Variants in PRR16 observed in about 807,000 individuals in gnomAD.
The protein encoded by PRR16 is protein Largen.
In PRR16, 6 loss-of-function variants were observed where a neutral mutation model predicts 18.2. The observed-to-expected ratio is 0.33, with a 90% CI of 0.18 to 0.65. The LOEUF (loss-of-function observed/expected upper bound fraction) is 0.65. Among genes scored for constraint, PRR16 ranks in the 30% least tolerant of loss-of-function variants. The probability of loss-of-function intolerance (pLI) is 0.74; values close to 1 mark genes in which losing one functional copy is unlikely to be tolerated. For missense variants in PRR16, 412 were observed against 376.6 expected (o/e 1.09, Z -0.78); for synonymous variants, 151 against 147.8 (o/e 1.02, Z -0.16).
At chr5:120,510,886 C>T (rs1056362552) in intron 1 of PRR16, among the ~76,000 whole-genome samples, 1 of 152,112 alleles carries the variant, frequency 6.6e-6, no homozygotes, top group African/African-American at 2.4e-5. Flanking sequence ...TTTCTTTCAT[C>T]TGAGAAATAT....
the PRR16 span, among the ~76,000 whole-genome samples, chr5:120,749,754 A>C: frequency 6.6e-6 from 1 of 152,216 alleles, no homozygotes; most frequent in Non-Finnish European, 1.5e-5. Flanking sequence ...TATAATAGCA[A>C]CAAACAGTGT....
chr5:120,689,528 T>C (rs1391284754), downstream of PRR16, among the ~76,000 whole-genome samples: 1 of 152,132 alleles, frequency 6.6e-6, no homozygotes, highest in African/African-American at 2.4e-5. Flanking sequence ...CCTCAAATAC[T>C]TGAAACTACG....
the PRR16 span, among the ~76,000 whole-genome samples, chr5:120,716,722 A>C: frequency 6.6e-6 from 1 of 152,128 alleles, no homozygotes; most frequent in Non-Finnish European, 1.5e-5. Flanking sequence ...TAAAAATACA[A>C]AAATCTGGGT....
At chr5:120,493,707 GCCCCGGAC>G (rs1750145499) in intron 1 of PRR16, among the ~76,000 whole-genome samples, 1 of 152,076 alleles carries the variant, frequency 6.6e-6, no homozygotes, top group Non-Finnish European at 1.5e-5. Context: ...AGACTTCCTA[GCCCCGGAC>G]AATCACTAAT....
At chr5:120,773,662 A>G in the PRR16 span, among the ~76,000 whole-genome samples, 1 of 152,218 alleles carries the variant, frequency 6.6e-6, no homozygotes, top group East Asian at 1.9e-4. Context: ...AAAGATGGCT[A>G]TCTCTCTGCC....
intron 1 of PRR16, among the ~76,000 whole-genome samples, chr5:120,588,727 G>A (rs1005623940): frequency 9.9e-5 from 15 of 152,032 alleles, no homozygotes; most frequent in Non-Finnish European, 1.5e-5. Context: ...TAAATTATAT[G>A]CCTTGGTTTT....
chr5:120,492,620 G>A (rs1750098173), intron 1 of PRR16, among the ~76,000 whole-genome samples: 1 of 151,950 alleles, frequency 6.6e-6, no homozygotes, highest in African/African-American at 2.4e-5. Context: ...TTGTTACATG[G>A]ATGAGTTGTT....
In PRR16 at chr5:120,686,128, G is replaced by A. The variant is rs569348603; in HGVS notation, c.334G>A (p.Ala112Thr). Residue 112 changes from alanine (A) to threonine (T), a missense_variant, in exon 2 of 2, where the codon GCT becomes ACT. Transcript: ENST00000407149. Reference protein sequence around the residue: ...PLIKPPAHPSAILTVLRKPNP... With the variant: ...PLIKPPAHPSTILTVLRKPNP... ...TATTAAACCCCCAGCACACCCGTCTGCTATCCTCACGGTCCTGAGAAAGCC... is the reference window on the plus strand; with the variant it reads ...TATTAAACCCCCAGCACACCCGTCTACTATCCTCACGGTCCTGAGAAAGCC... 6.2e-7 allele frequency: 1 copy of A among 1,614,068 alleles called. No homozygotes were observed. The highest frequency in any genetic ancestry group is 2.2e-5 in the East Asian group (1 of 44,860).
chr5:120,537,614 A>G (rs561982715), intron 1 of PRR16, among the ~76,000 whole-genome samples: 2 of 141,378 alleles, frequency 1.4e-5, no homozygotes, highest in East Asian at 4.3e-4. Context: ...TATTTGGCCA[A>G]GCAAGATTAC....
chr5:120,792,922 C>A, the PRR16 span, among the ~76,000 whole-genome samples: 2 of 149,624 alleles, frequency 1.3e-5, no homozygotes, highest in African/African-American at 4.8e-5. Context: ...GAGGCCGAGG[C>A]CAGGGGGATC....
Position 120,686,597 on chromosome 5 carries a change from G to A in PRR16, c.803G>A (p.Gly268Glu). 1 of 1,613,444 alleles carries A rather than the reference G, an allele frequency of 6.2e-7. No individual in the cohort carries two copies. The highest frequency in any genetic ancestry group is 8.5e-7 in the Non-Finnish European group (1 of 1,179,760). Reference protein sequence around the residue: ...PPFPLENGGMGISHSNSFPPI... With the variant: ...PPFPLENGGMEISHSNSFPPI... ...TTCCCACTAGAAAATGGGGGAATGG[G>A]AATAAGCCACAGTAACAGCTTCCCC... The change falls in exon 2 of 2, where the codon GGA (glycine) becomes GAA (glutamate). Residue 268 changes from glycine to glutamate, a missense_variant. Gly to Glu is a moderately conservative substitution (Grantham distance 98). Coordinates refer to ENST00000407149, the MANE Select transcript of PRR16 (RefSeq NM_001300783.2).
rs911723713 is a variant in PRR16, at chr5:120,590,077, CA to C, written c.160-95876del. On this transcript the variant is annotated intron_variant, in intron 1 of 1. Transcript: ENST00000407149. ...GCTAGGTTTTTTGTTTCATTTACAACACATGATTTTCAGAAAACATTTAGCT... is the reference window on the plus strand; with the variant it reads ...GCTAGGTTTTTTGTTTCATTTACAACCATGATTTTCAGAAAACATTTAGCT... Among the ~76,000 whole-genome samples, 105 of 152,228 alleles carry C rather than the reference CA, an allele frequency of 6.9e-4. 2 individuals carry two copies. Among genetic ancestry groups the C allele is most frequent in the Non-Finnish European group, 8.8e-5 (6 of 67,990 alleles).
chr5:120,763,128 T>C, the PRR16 span, among the ~76,000 whole-genome samples: 1 of 150,454 alleles, frequency 6.6e-6, no homozygotes, highest in East Asian at 1.9e-4. Context: ...CTGTTCCTTT[T>C]GTCTATGTGT....
intron 1 of PRR16, among the ~76,000 whole-genome samples, chr5:120,601,196 G>A (rs2112790310): frequency 6.6e-6 from 1 of 152,142 alleles, no homozygotes; most frequent in Non-Finnish European, 1.5e-5. Context: ...CTGCCAACGT[G>A]TATAAGCATT....
chr5:120,755,865 C>G, the PRR16 span, among the ~76,000 whole-genome samples: 16,637 of 152,026 alleles, frequency 0.11, 1,340 homozygotes, highest in African/African-American at 0.22. Flanking sequence ...AATGAAAGCA[C>G]AGATTTACTG....
chr5:120,466,863 T>G (rs1749121736), intron 1 of PRR16, among the ~76,000 whole-genome samples: 1 of 152,164 alleles, frequency 6.6e-6, no homozygotes, highest in Non-Finnish European at 1.5e-5. Flanking sequence ...AAACTGAAAT[T>G]TATGACATAA....
At chr5:120,725,677 C>A in the PRR16 span, among the ~76,000 whole-genome samples, 1 of 151,920 alleles carries the variant, frequency 6.6e-6, no homozygotes, top group African/African-American at 2.4e-5. Context: ...AATATTCTTA[C>A]TGTGGAATTT....
At chr5:120,506,843 C>T (rs532242683) in intron 1 of PRR16, among the ~76,000 whole-genome samples, 14 of 152,126 alleles carry the variant, frequency 9.2e-5, no homozygotes, top group Admixed American at 2.0e-4. Flanking sequence ...AAGAGCTTGC[C>T]AACTGAGCCT....
intron 1 of PRR16, among the ~76,000 whole-genome samples, chr5:120,471,892 A>G (rs1749278689): frequency 6.6e-6 from 1 of 152,146 alleles, no homozygotes. Context: ...TAGTCTGTCA[A>G]CTCAGGACAA....
Sources: allele counts gnomAD v4.1 joint callset (sites outside exome capture counted in the v4.1 genomes callset), GRCh38; gene constraint gnomAD v4.1.1; transcripts MANE v1.5; gene names NCBI Gene and HGNC (gene_info 2026-07-23, HGNC 2026-07-21).